The following GLRA3 variants were observed in gnomAD, a reference collection of about 807,000 sequenced individuals.
The protein encoded by GLRA3 is glycine receptor subunit alpha-3.
Under a neutral mutation model 60.4 loss-of-function variants are expected in GLRA3, and 44 were observed. That is an observed-to-expected ratio of 0.73 (90% confidence interval 0.57 to 0.94). The LOEUF is 0.94. Ranked by LOEUF, GLRA3 falls within the 40% of genes least tolerant of loss-of-function variation. GLRA3 has a pLI of 0.00. For synonymous variants in GLRA3, 223 were observed against 192.9 expected (o/e 1.16, Z -1.29); for missense variants, 508 against 564.6 (o/e 0.90, Z 1.02).
intron 2 of GLRA3, among the ~76,000 whole-genome samples, chr4:174,786,585 G>C (rs1394556777): frequency 1.3e-5 from 2 of 152,048 alleles, no homozygotes; most frequent in Non-Finnish European, 2.9e-5. Context: ...ATGAAATGAT[G>C]GTCAAAAGAT....
intron 5 of GLRA3, among the ~76,000 whole-genome samples, chr4:174,710,600 T>C (rs930936093): frequency 3.5e-4 from 54 of 152,160 alleles, no homozygotes; most frequent in African/African-American, 1.3e-3. Context: ...AGTTAGCTCT[T>C]TACGCGGACG....
chr4:174,825,207 G>T (rs1740919232), intron 1 of GLRA3, among the ~76,000 whole-genome samples: 1 of 151,938 alleles, frequency 6.6e-6, no homozygotes, highest in Admixed American at 6.6e-5. Flanking sequence ...ACACCTCCAT[G>T]TAGTAAATCA....
intron 1 of GLRA3, among the ~76,000 whole-genome samples, chr4:174,811,970 A>C (rs1740292171): frequency 6.6e-6 from 1 of 152,198 alleles, no homozygotes; most frequent in African/African-American, 2.4e-5. Context: ...TATTTGGTAA[A>C]ATACTTCCTA....
In GLRA3 at chr4:174,643,791, C is replaced by A; in HGVS notation, c.1390G>T (p.Asp464Tyr). ...LRHEDIHQQQ[D>Y] is the part of the protein sequence containing the mutation. ...ATTTGCATGCCCCCAGAGACTTAAT[C>A]TTGCTGCTGATGAATATCCTCATGC... Residue 464 changes from aspartate (D) to tyrosine (Y), a missense_variant, in exon 10 of 10, where the codon GAT (aspartate) becomes TAT (tyrosine). Transcript: ENST00000274093. 1 of 1,611,440 alleles carries A rather than the reference C, an allele frequency of 6.2e-7. No individual in the cohort carries two copies. The highest frequency in any genetic ancestry group is 8.5e-7 in the Non-Finnish European group (1 of 1,178,266).
intron 4 of GLRA3, among the ~76,000 whole-genome samples, chr4:174,719,158 T>C (rs922986180): frequency 4.2e-4 from 64 of 151,346 alleles, no homozygotes; most frequent in African/African-American, 1.5e-3. Flanking sequence ...AGAGACGGGG[T>C]TTCACCGTGT....
At chr4:174,727,916 AT>A (rs1238857961) in intron 4 of GLRA3, among the ~76,000 whole-genome samples, 1 of 151,900 alleles carries the variant, frequency 6.6e-6, no homozygotes, top group Non-Finnish European at 1.5e-5. Flanking sequence ...TAATACAGTG[AT>A]TTTTTTTCTT....
chr4:174,736,557 A>T (rs2046486), intron 3 of GLRA3, among the ~76,000 whole-genome samples: 66,181 of 151,946 alleles, frequency 0.44, 16,288 homozygotes, highest in Middle Eastern at 0.61. Flanking sequence ...TTAAATAAAT[A>T]GAATCACACT....
At chr4:174,783,441 A>G (rs1738979153) in intron 2 of GLRA3, among the ~76,000 whole-genome samples, 2 of 130,034 alleles carry the variant, frequency 1.5e-5, no homozygotes, top group South Asian at 2.4e-4. Context: ...ACCAAAAGCA[A>G]CGGCAACAAA....
At chr4:174,694,004 T>C (rs1419573699) in intron 5 of GLRA3, among the ~76,000 whole-genome samples, 1 of 152,086 alleles carries the variant, frequency 6.6e-6, no homozygotes, top group Admixed American at 6.6e-5. Context: ...CATTACATAA[T>C]GGTAACGGGT....
chr4:174,683,215 C>A (rs1310471497), intron 5 of GLRA3, among the ~76,000 whole-genome samples: 1 of 152,146 alleles, frequency 6.6e-6, no homozygotes, highest in African/African-American at 2.4e-5. Flanking sequence ...CATATACATT[C>A]TTTCCTTGGG....
chr4:174,706,496 C>G lies in GLRA3; in HGVS notation c.574+8992G>C, dbSNP rs370415436. Among the ~76,000 whole-genome samples the G allele has an allele frequency of 4.4e-4, 67 of 152,164 alleles. 1 individual carries two copies. The South Asian group carries it at 0.01, about 23-fold the overall frequency. The stretch of plus-strand genomic sequence containing the variant: ...TGAAGTAAAGGAGGTAAATGATAAG[C>G]CAAACACAACATTGAAACCAAAAGT... On this transcript the variant is annotated intron_variant, in intron 5 of 9. Transcript: ENST00000274093.
At chr4:174,648,594 T>G (rs1012540013) in intron 9 of GLRA3, among the ~76,000 whole-genome samples, 1 of 152,140 alleles carries the variant, frequency 6.6e-6, no homozygotes, top group Non-Finnish European at 1.5e-5. Context: ...GGTGGCCATA[T>G]GACAATGAGA....
intron 3 of GLRA3, among the ~76,000 whole-genome samples, chr4:174,735,298 C>A (rs1461142765): frequency 6.6e-6 from 1 of 152,154 alleles, no homozygotes; most frequent in Admixed American, 6.5e-5. Context: ...CACTTCTCAG[C>A]TCCTAAACTC....
intron 7 of GLRA3, among the ~76,000 whole-genome samples, chr4:174,660,337 A>G: frequency 6.6e-6 from 1 of 152,084 alleles, no homozygotes. Context: ...TCAGTGTGGG[A>G]CATTATCTGT....
chr4:174,660,508 G>A (rs1164836937), intron 7 of GLRA3, among the ~76,000 whole-genome samples: 1 of 152,118 alleles, frequency 6.6e-6, no homozygotes, highest in Non-Finnish European at 1.5e-5. Context: ...ATATCAGGAG[G>A]CACACAATGT....
In GLRA3 at chr4:174,639,474, CAA is replaced by C. The variant is rs1377276291; in HGVS notation, c.*4310_*4311del. The C allele has an allele frequency of 2.0e-5, 3 of 148,318 alleles. No individual in the cohort carries two copies. The South Asian group carries it at 6.5e-4, about 32-fold the overall frequency. The allele number at this position is 148,318 out of a possible 1,614,324, so 9.2% of individuals were successfully genotyped here. The stretch of plus-strand genomic sequence containing the variant: ...CATTATTAAGATGTAAAATGTAGAC[CAA>C]AAAAACAGGTAAGTGGGTCCTAGCT... On this transcript the variant is annotated 3_prime_UTR_variant, in exon 10 of 10. Coordinates refer to ENST00000274093, the MANE Select transcript of GLRA3 (RefSeq NM_006529.4).
chr4:174,735,018 G>T (rs1736713718), intron 3 of GLRA3, among the ~76,000 whole-genome samples: 1 of 152,148 alleles, frequency 6.6e-6, no homozygotes, highest in Admixed American at 6.6e-5. Context: ...CTCTTGGATT[G>T]CAAGGTAACA....
In GLRA3 at chr4:174,735,358, A is replaced by T. The variant is rs757179526; in HGVS notation, c.268-6660T>A. Among the ~76,000 whole-genome samples, 4 of 152,164 alleles carry T rather than the reference A, an allele frequency of 2.6e-5. No individual in the cohort carries two copies. In the South Asian group the frequency reaches 6.2e-4, roughly 24 times the overall value. ...CCCACTAGGAAGAGGAAGCTCATCT[A>T]CTTCTCCTGGTTTAGACAACATGGA... On this transcript the variant is annotated intron_variant, in intron 3 of 9. Coordinates refer to ENST00000274093, the MANE Select transcript of GLRA3 (RefSeq NM_006529.4).
chr4:174,656,629 A>G (rs1285992106), intron 9 of GLRA3, 114 bp downstream of exon 9: 1 of 584,956 alleles, frequency 1.7e-6, no homozygotes, highest in Non-Finnish European at 3.2e-6. Flanking sequence ...TCAGCTTTCA[A>G]TACAAAAGGG....
Sources: allele counts gnomAD v4.1 joint callset (sites outside exome capture counted in the v4.1 genomes callset), GRCh38; gene constraint gnomAD v4.1.1; transcripts MANE v1.5; gene names NCBI Gene and HGNC (gene_info 2026-07-23, HGNC 2026-07-21).